Variants in ZNF736 observed in about 807,000 individuals in gnomAD.
ZNF736 encodes KRAB-containing zinc-finger repressor protein.
A neutral mutation model predicts 11.7 loss-of-function variants in ZNF736; 6 were observed. The observed-to-expected ratio is 0.51, with a 90% confidence interval of 0.28 to 1.01. ZNF736 has a LOEUF of 1.01. Among genes scored for constraint, ZNF736 ranks in the 50% least tolerant of loss-of-function variants. ZNF736 has a pLI of 0.09. For synonymous variants in ZNF736, 139 were observed against 164.7 expected (o/e 0.84, Z 1.19); for missense variants, 444 against 496.0 (o/e 0.90, Z 1.00).
intron 3 of ZNF736, among the ~76,000 whole-genome samples, chr7:64,346,645 G>T (rs933686521): frequency 6.6e-6 from 1 of 151,886 alleles, no homozygotes; most frequent in African/African-American, 2.4e-5. Context: ...TTAAAACATT[G>T]CTTGTGTTAT....
intron 1 of ZNF736, among the ~76,000 whole-genome samples, chr7:64,320,001 G>A (rs550214262): frequency 1.3e-5 from 2 of 152,034 alleles, no homozygotes; most frequent in African/African-American, 4.8e-5. Flanking sequence ...TAGTTCCAGA[G>A]AGAAGACTAA....
chr7:64,335,339 A>T (rs55822903), intron 1 of ZNF736, among the ~76,000 whole-genome samples: 14,815 of 152,112 alleles, frequency 0.097, 1,206 homozygotes, highest in East Asian at 0.35. Context: ...ATTACAGAAC[A>T]TGGGAGATAT....
intron 1 of ZNF736, among the ~76,000 whole-genome samples, chr7:64,333,658 G>GA (rs11412946): frequency 0.34 from 50,953 of 150,454 alleles, 9,162 homozygotes; most frequent in African/African-American, 0.48. Context: ...GACACAAATG[G>GA]AAAAAAAAAA....
In ZNF736 at chr7:64,348,687, A is replaced by T. The variant is rs1192671521; in HGVS notation, c.824A>T (p.His275Leu). 3 of 1,608,534 alleles carry T rather than the reference A, an allele frequency of 1.9e-6. No homozygotes were observed. The highest frequency in any genetic ancestry group is 2.5e-6 in the Non-Finnish European group (3 of 1,177,412). The change falls in exon 4 of 4, where the codon CAT (histidine) becomes CTT (leucine). Residue 275 changes from histidine (H) to leucine (L), a missense_variant. Coordinates refer to ENST00000423484, the MANE Select transcript of ZNF736 (RefSeq NM_001170905.3). Reference protein sequence around the residue: ...AFKCFSDLTNHKRIHTGEKPY... With the variant: ...AFKCFSDLTNLKRIHTGEKPY... Reference sequence around the variant, plus strand: ...AAGTGCTTCTCAGACCTTACTAATCATAAGAGAATTCATACTGGAGAGAAA... The same window carrying T: ...AAGTGCTTCTCAGACCTTACTAATCTTAAGAGAATTCATACTGGAGAGAAA...
At chr7:64,328,389 G>C (rs1255685120) in intron 1 of ZNF736, among the ~76,000 whole-genome samples, 4 of 152,004 alleles carry the variant, frequency 2.6e-5, no homozygotes, top group African/African-American at 7.3e-5. Context: ...ATTGGTGCTT[G>C]TTTGAATGTT....
intron 3 of ZNF736, among the ~76,000 whole-genome samples, chr7:64,337,746 G>GTTTTTTTTTTTTT (rs1187066176): frequency 3.8e-5 from 3 of 79,358 alleles, no homozygotes; most frequent in Non-Finnish European, 8.5e-5. Context: ...GTTTTGTTTT[G>GTTTTTTTTTTTTT]TTTTTTTTGG....
intron 1 of ZNF736, among the ~76,000 whole-genome samples, chr7:64,328,867 G>A (rs1030671560): frequency 4.6e-5 from 7 of 151,620 alleles, no homozygotes; most frequent in Non-Finnish European, 4.4e-5. Flanking sequence ...GGAAGTTCTA[G>A]TTATCCCTTT....
chr7:64,343,139 A>G (rs1301949675), intron 3 of ZNF736, among the ~76,000 whole-genome samples: 1 of 152,226 alleles, frequency 6.6e-6, no homozygotes, highest in East Asian at 1.9e-4. Flanking sequence ...ATTGTCTTCA[A>G]CAGCAATGAC....
intron 1 of ZNF736, among the ~76,000 whole-genome samples, chr7:64,334,060 A>G (rs1789212392): frequency 6.6e-6 from 1 of 152,234 alleles, no homozygotes; most frequent in African/African-American, 2.4e-5. Flanking sequence ...TCCCTATTTA[A>G]TAAATGGTGC....
chr7:64,331,107 C>T (rs1308257553), intron 1 of ZNF736, among the ~76,000 whole-genome samples: 1 of 152,188 alleles, frequency 6.6e-6, no homozygotes, highest in Non-Finnish European at 1.5e-5. Flanking sequence ...GGCTCTGAGC[C>T]TAGCAAAGCA....
At chr7:64,330,151 TG>T (rs112955468) in intron 1 of ZNF736, among the ~76,000 whole-genome samples, 2 of 151,572 alleles carry the variant, frequency 1.3e-5, no homozygotes, top group South Asian at 2.1e-4. Flanking sequence ...TTCAGGGAAG[TG>T]GGGTTTTTTT....
intron 1 of ZNF736, among the ~76,000 whole-genome samples, chr7:64,320,170 A>T (rs1788984700): frequency 6.6e-6 from 1 of 152,200 alleles, no homozygotes; most frequent in African/African-American, 2.4e-5. Flanking sequence ...AAATAACAAA[A>T]AAATTGTAGC....
At chr7:64,337,218 G>T in intron 3 of ZNF736, 1 of 496,188 alleles carries the variant, frequency 2.0e-6, no homozygotes, top group Non-Finnish European at 3.5e-6. Flanking sequence ...TGTGTGTTTT[G>T]TTTTGTTTTT....
In ZNF736 at chr7:64,314,045, C is replaced by T. The variant is rs183068067; in HGVS notation, c.-106C>T. ...CGCGTCTCCACTGTTCCATCTCCTCCGTTCCTGGAGTTCCTCGGTGACTCT... is the reference window on the plus strand; with the variant it reads ...CGCGTCTCCACTGTTCCATCTCCTCTGTTCCTGGAGTTCCTCGGTGACTCT... On this transcript the variant is annotated 5_prime_UTR_variant, in exon 1 of 4. Coordinates refer to ENST00000423484, the MANE Select transcript of ZNF736 (RefSeq NM_001170905.3). 1.4e-6 allele frequency: 2 copies of T among 1,480,924 alleles called. No homozygotes were observed. The highest frequency in any genetic ancestry group is 1.8e-6 in the Non-Finnish European group (2 of 1,083,890). 91.7% of individuals were successfully genotyped at this position (1,480,924 alleles called of 1,614,324 possible).
chr7:64,329,731 C>G (rs565107582), intron 1 of ZNF736, among the ~76,000 whole-genome samples: 113 of 152,182 alleles, frequency 7.4e-4, no homozygotes, highest in Non-Finnish European at 1.3e-3. Flanking sequence ...ACAGGACTGG[C>G]TCTCACATAA....
Position 64,355,424 on chromosome 7 carries a change from C to G in ZNF736, c.*6277C>G, listed in dbSNP as rs1789541303. The G allele has an allele frequency of 6.6e-6, 1 of 151,544 alleles. No homozygotes were observed. The highest frequency in any genetic ancestry group is 2.4e-5 in the African/African-American group (1 of 41,166). The allele number at this position is 151,544 out of a possible 1,614,324, so 9.4% of individuals were successfully genotyped here. On this transcript the variant is annotated 3_prime_UTR_variant, in exon 4 of 4. Coordinates refer to ENST00000423484, the MANE Select transcript of ZNF736 (RefSeq NM_001170905.3). The stretch of plus-strand genomic sequence containing the variant: ...TTGAGATGGACTCTTGCTCTGTCAC[C>G]CAAGCTGGTGTGCAGTGGTGTGATC...
chr7:64,353,967 C>G lies in ZNF736; in HGVS notation c.*4820C>G, dbSNP rs1789523391. The G allele has an allele frequency of 6.6e-6, 1 of 152,188 alleles. No individual in the cohort carries two copies. Among genetic ancestry groups the G allele is most frequent in the Non-Finnish European group, 1.5e-5 (1 of 68,030 alleles). 9.4% of individuals were successfully genotyped at this position (152,188 alleles called of 1,614,324 possible). A position where few individuals can be genotyped will look rare whatever the true frequency, so the allele number is the denominator to read the frequency against. On this transcript the variant is annotated 3_prime_UTR_variant, in exon 4 of 4. Transcript: ENST00000423484. ...ATGTGTATCTTGCCACTGATGTTAA[C>G]TTATCCCATCTTACCCAAGGTTGTA...
intron 1 of ZNF736, among the ~76,000 whole-genome samples, chr7:64,322,916 A>G (rs1455445076): frequency 2.6e-5 from 4 of 152,226 alleles, no homozygotes; most frequent in Non-Finnish European, 5.9e-5. Context: ...TTACAAAACT[A>G]CTTAGTCACT....
At position 64,354,185 on chromosome 7, in the gene ZNF736, G is replaced by A. The variant is rs2115990673; in HGVS notation, c.*5038G>A. 1 of 152,244 alleles carries A rather than the reference G, an allele frequency of 6.6e-6. No homozygotes were observed. Among genetic ancestry groups the A allele is most frequent in the South Asian group, 2.1e-4 (1 of 4,830 alleles). The allele number at this position is 152,244 out of a possible 1,614,324, so 9.4% of individuals were successfully genotyped here. On this transcript the variant is annotated 3_prime_UTR_variant, in exon 4 of 4. Transcript: ENST00000423484. ...TTGGAGCTATATGTTTCTGAATTCT[G>A]AACAACTATTTATAAAATTTTATCC... is the stretch of plus-strand genomic sequence containing the variant.
Sources: allele counts gnomAD v4.1 joint callset (sites outside exome capture counted in the v4.1 genomes callset), GRCh38; gene constraint gnomAD v4.1.1; transcripts MANE v1.5; gene names NCBI Gene and HGNC (gene_info 2026-07-23, HGNC 2026-07-21).